BACH2: variants seen among roughly 807,000 people sequenced by gnomAD.
BACH2 encodes BACH transcriptional regulator 2, also known as transcription regulator protein BACH2.
BACH2 carries 5 observed loss-of-function variants against 61.8 expected under a neutral mutation model. The ratio of observed to expected loss-of-function variants is 0.08; its 90% CI spans 0.04 to 0.17. BACH2 has a LOEUF of 0.17. Ranked by LOEUF, BACH2 falls within the 10% of genes least tolerant of loss-of-function variation. The probability of loss-of-function intolerance (pLI) is 1.00; values close to 1 mark genes in which losing one functional copy is unlikely to be tolerated. For missense variants in BACH2, 824 were observed against 1,091.1 expected, an observed-to-expected ratio of 0.76 and a Z score of 3.45; for synonymous variants, 446 against 440.1, an observed-to-expected ratio of 1.01 and a Z score of -0.17.
At chr6:90,240,501 C>A (rs1021278340) in intron 3 of BACH2, among the ~76,000 whole-genome samples, 2 of 152,036 alleles carry the variant, frequency 1.3e-5, no homozygotes, top group Non-Finnish European at 2.9e-5. Flanking sequence ...GTCTGCTTTA[C>A]GATATTAAGA....
At position 90,222,732 on chromosome 6, in the gene BACH2, G is replaced by C. The variant is rs564202741; in HGVS notation, c.-274-16051C>G. 7.9e-5 allele frequency among the ~76,000 whole-genome samples: 12 copies of C among 152,140 alleles called. No individual in the cohort carries two copies. In the South Asian group the frequency reaches 2.5e-3, roughly 32 times the overall value. ...CCATTTTAAAGTTTAAAACTTCCTC[G>C]TTCTTTATGTCTCCTTGCCCCTAGT... On this transcript the variant is annotated intron_variant, in intron 3 of 8. Coordinates refer to ENST00000257749, the MANE Select transcript of BACH2 (RefSeq NM_021813.4).
intron 5 of BACH2, among the ~76,000 whole-genome samples, chr6:90,033,256 T>C (rs545764885): frequency 6.6e-6 from 1 of 151,318 alleles, no homozygotes; most frequent in South Asian, 2.1e-4. Flanking sequence ...TACCTAATGT[T>C]AAATGACGTG....
At chr6:90,012,581 AT>A (rs1182578468) in intron 5 of BACH2, among the ~76,000 whole-genome samples, 1 of 151,148 alleles carries the variant, frequency 6.6e-6, no homozygotes, top group African/African-American at 2.4e-5. Flanking sequence ...GTGAGCTGAG[AT>A]TGCGCCACTG....
chr6:90,186,435 T>C (rs1269569306), intron 4 of BACH2, among the ~76,000 whole-genome samples: 1 of 152,090 alleles, frequency 6.6e-6, no homozygotes, highest in Non-Finnish European at 1.5e-5. Flanking sequence ...TCTCAAGATG[T>C]ACCTATCAAT....
intron 4 of BACH2, among the ~76,000 whole-genome samples, chr6:90,133,473 GAGA>G (rs1014378718): frequency 3.3e-5 from 5 of 152,132 alleles, no homozygotes; most frequent in South Asian, 2.1e-4. Flanking sequence ...GTAAGGAAGG[GAGA>G]AGAAGAAAGA....
At chr6:90,205,439 G>A (rs930965932) in intron 4 of BACH2, among the ~76,000 whole-genome samples, 3 of 152,096 alleles carry the variant, frequency 2.0e-5, no homozygotes, top group Admixed American at 1.3e-4. Flanking sequence ...GGGTAATTCT[G>A]TCCCCGTATG....
intron 4 of BACH2, among the ~76,000 whole-genome samples, chr6:90,108,600 G>T (rs1783028435): frequency 6.6e-6 from 1 of 152,002 alleles, no homozygotes; most frequent in Admixed American, 6.6e-5. Flanking sequence ...ATCAGCCTGA[G>T]ATCAGACAGA....
At chr6:90,087,809 T>C (rs1447733032) in intron 5 of BACH2, among the ~76,000 whole-genome samples, 5 of 152,038 alleles carry the variant, frequency 3.3e-5, no homozygotes. Context: ...GATACAGGCA[T>C]GCAATATGAA....
rs187499488 is a variant in BACH2 at position 90,214,945 on chromosome 6, G to A, written c.-274-8264C>T. 1.3e-3 allele frequency among the ~76,000 whole-genome samples: 204 copies of A among 151,902 alleles called. 2 individuals carry two copies. The highest frequency in any genetic ancestry group is 0.01 in the Middle Eastern group (3 of 294). On this transcript the variant is annotated intron_variant, in intron 3 of 8. Transcript: ENST00000257749. ...GCCCAGATAATTTTTTGTAGAGACA[G>A]GGTTTTGCTATGTTGCATAGGCTGG...
chr6:90,173,937 C>T (rs1346381022), intron 4 of BACH2, among the ~76,000 whole-genome samples: 1 of 152,078 alleles, frequency 6.6e-6, no homozygotes. Context: ...GGAAGAACTG[C>T]GTAGGCAAAT....
intron 3 of BACH2, among the ~76,000 whole-genome samples, chr6:90,244,626 A>G (rs1253124173): frequency 2.0e-5 from 3 of 152,152 alleles, no homozygotes; most frequent in Admixed American, 6.5e-5. Flanking sequence ...ACACATGCGC[A>G]CACACGCACA....
At chr6:90,047,034 G>A (rs946091383) in intron 5 of BACH2, among the ~76,000 whole-genome samples, 6 of 152,064 alleles carry the variant, frequency 3.9e-5, no homozygotes, top group African/African-American at 7.2e-5. Flanking sequence ...GGGTTCAAGC[G>A]ATTCTCCTGC....
intron 4 of BACH2, among the ~76,000 whole-genome samples, chr6:90,199,391 T>C (rs1424983528): frequency 6.6e-6 from 1 of 152,232 alleles, no homozygotes; most frequent in East Asian, 1.9e-4. Flanking sequence ...GGAATGTATA[T>C]GTTTCATACA....
At chr6:90,094,358 C>T (rs895171794) in intron 4 of BACH2, among the ~76,000 whole-genome samples, 2 of 152,110 alleles carry the variant, frequency 1.3e-5, no homozygotes, top group Admixed American at 6.6e-5. Flanking sequence ...TTTGCCTGTC[C>T]CCAGGAAACT....
At chr6:90,104,560 G>C (rs1487917715) in intron 4 of BACH2, 8 of 152,226 alleles carry the variant, frequency 5.3e-5, no homozygotes, top group African/African-American at 1.9e-4. Context: ...CTTCAGTTAG[G>C]CCAGGGAGGC....
intron 5 of BACH2, among the ~76,000 whole-genome samples, chr6:90,010,832 G>C (rs1432230640): frequency 1.3e-5 from 2 of 152,104 alleles, no homozygotes; most frequent in Non-Finnish European, 2.9e-5. Context: ...TTTCTCTAAT[G>C]CCTGAAGTTG....
In BACH2 at chr6:90,238,835, G is replaced by C. The variant is rs139196774; in HGVS notation, c.-275+13678C>G. 2.5e-4 allele frequency among the ~76,000 whole-genome samples: 38 copies of C among 152,248 alleles called. 1 individual carries two copies. Among genetic ancestry groups the C allele is most frequent in the Admixed American group, 2.4e-3 (36 of 15,290 alleles). ...AAATGATGATGTGCTTCCTTCTTGG[G>C]GGAGTGAGTTGTGATACTGCCTTGT... On this transcript the variant is annotated intron_variant, in intron 3 of 8. Transcript: ENST00000257749.
At chr6:90,273,314 T>C (rs566197921) in intron 1 of BACH2, among the ~76,000 whole-genome samples, 2 of 152,090 alleles carry the variant, frequency 1.3e-5, no homozygotes, top group Admixed American at 6.6e-5. Context: ...GCTACGATCA[T>C]ACCACTGCAC....
At chr6:90,275,203 A>C (rs976105713) in intron 1 of BACH2, among the ~76,000 whole-genome samples, 19 of 152,356 alleles carry the variant, frequency 1.2e-4, no homozygotes, top group African/African-American at 4.3e-4. Context: ...ATGGCTGTTT[A>C]CAAGTCACTT....
Sources: allele counts gnomAD v4.1 joint callset (sites outside exome capture counted in the v4.1 genomes callset), GRCh38; gene constraint gnomAD v4.1.1; transcripts MANE v1.5; gene names NCBI Gene and HGNC (gene_info 2026-07-23, HGNC 2026-07-21).